Variants in ARHGAP31 observed in about 807,000 individuals in gnomAD.
ARHGAP31 encodes the protein Rho GTPase activating protein 31, also known as rho GTPase-activating protein 31.
ARHGAP31 carries 34 observed loss-of-function variants against 113.9 expected under a neutral mutation model. The ratio of observed to expected loss-of-function variants is 0.30; its 90% confidence interval spans 0.23 to 0.40. The LOEUF (loss-of-function observed/expected upper bound fraction) is 0.40. Among genes scored for constraint, ARHGAP31 ranks in the 10% least tolerant of loss-of-function variants. ARHGAP31 has a pLI of 1.00. For synonymous variants in ARHGAP31, 650 were observed against 684.8 expected, an observed-to-expected ratio of 0.95 and a Z score of 0.79; for missense variants, 1,548 against 1,767.1, an observed-to-expected ratio of 0.88 and a Z score of 2.22.
At position 119,420,118 on chromosome 3, in the gene ARHGAP31, A is replaced by G. The variant is rs751147580; in HGVS notation, c.*3854A>G. On this transcript the variant is annotated 3_prime_UTR_variant, in exon 12 of 12. Transcript: ENST00000264245. The stretch of plus-strand genomic sequence containing the variant: ...AGTCATTTGTCTACACAGGCCTTCC[A>G]TTCCTGCATGAAGAGATACTGGGGA... 6.6e-6 allele frequency: 1 copy of G among 152,222 alleles called. No individual in the cohort carries two copies. Among genetic ancestry groups the G allele is most frequent in the African/African-American group, 2.4e-5 (1 of 41,450 alleles). The allele number at this position is 152,222 out of a possible 1,614,324, so 9.4% of individuals were successfully genotyped here.
chr3:119,405,392 C>G (rs1375599282), intron 10 of ARHGAP31, among the ~76,000 whole-genome samples: 1 of 152,168 alleles, frequency 6.6e-6, no homozygotes, highest in Non-Finnish European at 1.5e-5. Context: ...TTCAGCCATA[C>G]CCAGGGGTGT....
At chr3:119,387,256 GGGCATAACAGAA>G (rs1187016110) in intron 6 of ARHGAP31, among the ~76,000 whole-genome samples, 2 of 152,200 alleles carry the variant, frequency 1.3e-5, no homozygotes, top group Admixed American at 6.5e-5. Flanking sequence ...GGCCCTGTCC[GGGCATAACAGAA>G]GGCTCGCACT....
intron 1 of ARHGAP31, among the ~76,000 whole-genome samples, chr3:119,323,124 G>A (rs1039951272): frequency 2.6e-5 from 4 of 152,210 alleles, no homozygotes; most frequent in African/African-American, 9.6e-5. Flanking sequence ...TCCGCCCAGC[G>A]GTTTCTGATC....
intron 5 of ARHGAP31, 39 bp from the exon 6 acceptor site, chr3:119,383,045 G>A: frequency 1.2e-6 from 2 of 1,612,906 alleles, no homozygotes; most frequent in Non-Finnish European, 8.5e-7. Flanking sequence ...AGGTTGTAAG[G>A]CAAACTCACT....
At chr3:119,345,046 A>G (rs560904667) in intron 1 of ARHGAP31, among the ~76,000 whole-genome samples, 40 of 150,710 alleles carry the variant, frequency 2.7e-4, no homozygotes, top group Non-Finnish European at 2.9e-5. Flanking sequence ...GTGCAGTGGC[A>G]CAATCTCGGC....
At chr3:119,398,703 G>A (rs911932646) in intron 8 of ARHGAP31, among the ~76,000 whole-genome samples, 1 of 152,168 alleles carries the variant, frequency 6.6e-6, no homozygotes, top group Admixed American at 6.5e-5. Context: ...CACCCAGCCT[G>A]CAGGCCTCAA....
chr3:119,372,873 A>G (rs1450453264), intron 3 of ARHGAP31, among the ~76,000 whole-genome samples: 3 of 152,216 alleles, frequency 2.0e-5, no homozygotes, highest in Non-Finnish European at 2.9e-5. Flanking sequence ...GTTCTGTCTC[A>G]TAACTCCCAC....
intron 1 of ARHGAP31, among the ~76,000 whole-genome samples, chr3:119,309,949 GT>G (rs57460032): frequency 0.1 from 14,983 of 143,884 alleles, 827 homozygotes; most frequent in Non-Finnish European, 0.12. Flanking sequence ...ACTATCAACT[GT>G]TTTTTTTTTT....
chr3:119,354,594 G>A (rs916605252), intron 1 of ARHGAP31, among the ~76,000 whole-genome samples: 1 of 151,246 alleles, frequency 6.6e-6, no homozygotes, highest in African/African-American at 2.4e-5. Context: ...TGCAACCTCC[G>A]CCTGCCTCCT....
intron 1 of ARHGAP31, among the ~76,000 whole-genome samples, chr3:119,319,515 A>T (rs2079763934): frequency 6.6e-6 from 1 of 152,214 alleles, no homozygotes; most frequent in African/African-American, 2.4e-5. Context: ...AAATTGCAGG[A>T]TATCAAGCAA....
intron 1 of ARHGAP31, among the ~76,000 whole-genome samples, chr3:119,326,542 G>C (rs972458683): frequency 6.6e-6 from 1 of 152,228 alleles, no homozygotes; most frequent in Non-Finnish European, 1.5e-5. Flanking sequence ...AAACGTCCAA[G>C]ATATGTTTCA....
In ARHGAP31 at chr3:119,418,393, G is replaced by T. The variant is rs942901260; in HGVS notation, c.*2129G>T. On this transcript the variant is annotated 3_prime_UTR_variant, in exon 12 of 12. Coordinates refer to ENST00000264245, the MANE Select transcript of ARHGAP31 (RefSeq NM_020754.4). Reference sequence around the variant, plus strand: ...TGAAAAGTACATTCCTGCCTTATCAGAAAATGTGTCAGACAGGTTTTATGT... The same window carrying T: ...TGAAAAGTACATTCCTGCCTTATCATAAAATGTGTCAGACAGGTTTTATGT... The T allele has an allele frequency of 1.3e-5, 2 of 152,200 alleles. No homozygotes were observed. The highest frequency in any genetic ancestry group is 2.9e-5 in the Non-Finnish European group (2 of 68,042). 9.4% of individuals were successfully genotyped at this position (152,200 alleles called of 1,614,324 possible).
intron 1 of ARHGAP31, among the ~76,000 whole-genome samples, chr3:119,306,066 G>A (rs1281223055): frequency 1.3e-5 from 2 of 152,178 alleles, no homozygotes; most frequent in Non-Finnish European, 2.9e-5. Flanking sequence ...CAGAGTCCGA[G>A]AATTCTGGAC....
intron 1 of ARHGAP31, among the ~76,000 whole-genome samples, chr3:119,325,146 T>G (rs1385718708): frequency 6.6e-6 from 1 of 152,224 alleles, no homozygotes; most frequent in African/African-American, 2.4e-5. Flanking sequence ...GCTGTAACTG[T>G]TGAATCATAC....
intron 1 of ARHGAP31, among the ~76,000 whole-genome samples, chr3:119,364,218 T>C (rs2080234223): frequency 1.6e-5 from 1 of 64,310 alleles, no homozygotes; most frequent in Non-Finnish European, 2.9e-5. Context: ...TTTCAATCCA[T>C]GGTTGGGGGT....
chr3:119,413,005 G>A (rs536255974), intron 11 of ARHGAP31, among the ~76,000 whole-genome samples: 61 of 150,512 alleles, frequency 4.1e-4, no homozygotes, highest in African/African-American at 1.1e-3. Flanking sequence ...GCAATAGAGC[G>A]AGACTCTGTC....
chr3:119,334,944 G>A (rs1369978999), intron 1 of ARHGAP31, among the ~76,000 whole-genome samples: 1 of 152,176 alleles, frequency 6.6e-6, no homozygotes, highest in African/African-American at 2.4e-5. Flanking sequence ...GTCCTGACCA[G>A]TAAGATAAAG....
Position 119,414,167 on chromosome 3 carries a change from C to G in ARHGAP31, c.2238C>G (p.His746Gln), listed in dbSNP as rs1308251269. The G allele has an allele frequency of 6.2e-7, 1 of 1,614,040 alleles. No individual in the cohort carries two copies. Among genetic ancestry groups the G allele is most frequent in the African/African-American group, 1.3e-5 (1 of 74,916 alleles). ...AGCCGGAACCTGAGCAGGGCCTGCA[C>G]CCAGACCTCGCCAGCCTGGCTCCTC... is the stretch of plus-strand genomic sequence containing the variant. ...REKPEPEQGL[H>Q]PDLASLAPLE... The change falls in exon 12 of 12, where the codon CAC becomes CAG. Residue 746 changes from histidine (H) to glutamine (Q), a missense_variant. Transcript: ENST00000264245.
intron 5 of ARHGAP31, 127 bp downstream of exon 5, chr3:119,382,526 T>C (rs981248824): frequency 3.2e-5 from 27 of 849,302 alleles, no homozygotes; most frequent in Non-Finnish European, 4.6e-5. Context: ...TGGTCATTTA[T>C]AGCACATATG....
Sources: allele counts gnomAD v4.1 joint callset (sites outside exome capture counted in the v4.1 genomes callset), GRCh38; gene constraint gnomAD v4.1.1; transcripts MANE v1.5; gene names NCBI Gene and HGNC (gene_info 2026-07-23, HGNC 2026-07-21).